Variants in NELL1 observed in about 807,000 individuals in gnomAD.
NELL1 encodes protein kinase C-binding protein NELL1.
A neutral mutation model predicts 107.4 loss-of-function variants in NELL1; 76 were observed. The observed-to-expected ratio is 0.71, with a 90% CI of 0.59 to 0.86. NELL1 has a LOEUF of 0.86. Ranked by LOEUF, NELL1 falls within the 40% of genes least tolerant of loss-of-function variation. The pLI is 0.00. For missense variants in NELL1, 1,024 were observed against 1,005.5 expected, an observed-to-expected ratio of 1.02 and a Z score of -0.25; for synonymous variants, 353 against 341.2, an observed-to-expected ratio of 1.03 and a Z score of -0.38.
chr11:21,435,459 A>G (rs1418805757), intron 15 of NELL1, among the ~76,000 whole-genome samples: 1 of 139,390 alleles, frequency 7.2e-6, no homozygotes, highest in African/African-American at 2.7e-5. Context: ...TTTTTTTACC[A>G]TGAAGAGATG....
intron 14 of NELL1, among the ~76,000 whole-genome samples, chr11:21,258,261 T>C (rs547643014): frequency 6.6e-6 from 1 of 151,982 alleles, no homozygotes; most frequent in East Asian, 1.9e-4. Context: ...AAGCTGTTTC[T>C]TGATAACATC....
chr11:21,131,635 G>A (rs186567635), intron 13 of NELL1, among the ~76,000 whole-genome samples: 1 of 151,958 alleles, frequency 6.6e-6, no homozygotes, highest in East Asian at 1.9e-4. Flanking sequence ...TTGTTTTTTT[G>A]TTTTGGGGGA....
chr11:20,743,525 A>C (rs564139112), intron 2 of NELL1, among the ~76,000 whole-genome samples: 4 of 152,084 alleles, frequency 2.6e-5, no homozygotes, highest in Non-Finnish European at 5.9e-5. Context: ...TTTTGTAATT[A>C]GTTGTATATC....
At chr11:21,439,372 T>C (rs1484599193) in intron 15 of NELL1, among the ~76,000 whole-genome samples, 1 of 152,086 alleles carries the variant, frequency 6.6e-6, no homozygotes, top group East Asian at 1.9e-4. Flanking sequence ...GGCCAAGAAC[T>C]GGGTGAGTTG....
intron 12 of NELL1, among the ~76,000 whole-genome samples, chr11:21,076,273 G>A (rs1389838751): frequency 6.6e-6 from 1 of 152,248 alleles, no homozygotes; most frequent in Non-Finnish European, 1.5e-5. Context: ...GGTGGATGGA[G>A]TCAGGGTTTC....
At chr11:20,699,086 G>A (rs143833195) in intron 2 of NELL1, among the ~76,000 whole-genome samples, 23 of 151,682 alleles carry the variant, frequency 1.5e-4, no homozygotes, top group East Asian at 1.9e-4. Context: ...GCATGGTGGC[G>A]CACATCTGTA....
intron 2 of NELL1, among the ~76,000 whole-genome samples, chr11:20,681,963 T>C (rs376814537): frequency 5.3e-5 from 8 of 152,218 alleles, no homozygotes; most frequent in Non-Finnish European, 1.0e-4. Flanking sequence ...TTATAAGAAA[T>C]CTTGTGATTA....
intron 12 of NELL1, among the ~76,000 whole-genome samples, chr11:21,026,753 C>T (rs1452776934): frequency 1.3e-5 from 2 of 152,078 alleles, no homozygotes; most frequent in African/African-American, 2.4e-5. Context: ...AAATATTCAC[C>T]GTGATCCTTT....
intron 12 of NELL1, among the ~76,000 whole-genome samples, chr11:21,062,973 G>A (rs548548204): frequency 3.3e-5 from 5 of 151,918 alleles, no homozygotes; most frequent in African/African-American, 7.2e-5. Context: ...GATTACAAAC[G>A]TATGCCACCA....
intron 2 of NELL1, among the ~76,000 whole-genome samples, chr11:20,714,238 T>C (rs985649845): frequency 3.6e-5 from 5 of 139,010 alleles, no homozygotes; most frequent in African/African-American, 1.3e-4. Flanking sequence ...AGTTTTGCTC[T>C]TGTCACCCAG....
chr11:20,935,048 C>T (rs531562657), intron 9 of NELL1, among the ~76,000 whole-genome samples: 2 of 152,122 alleles, frequency 1.3e-5, no homozygotes, highest in Admixed American at 1.3e-4. Context: ...TTTTTGCCAC[C>T]TACTAGAGGC....
At chr11:21,536,750 A>G (rs1856149565) in intron 16 of NELL1, among the ~76,000 whole-genome samples, 1 of 152,168 alleles carries the variant, frequency 6.6e-6, no homozygotes, top group Non-Finnish European at 1.5e-5. Flanking sequence ...ATTCCCAGCC[A>G]CATAACTGGT....
chr11:21,101,510 G>A (rs1357432578), intron 12 of NELL1, among the ~76,000 whole-genome samples: 1 of 152,076 alleles, frequency 6.6e-6, no homozygotes, highest in Non-Finnish European at 1.5e-5. Flanking sequence ...GTTGTTTCCT[G>A]ACTTTTTAAT....
intron 3 of NELL1, among the ~76,000 whole-genome samples, chr11:20,814,773 T>C (rs1359534135): frequency 6.6e-6 from 1 of 152,250 alleles, no homozygotes; most frequent in Non-Finnish European, 1.5e-5. Context: ...TGAGCTCATG[T>C]GTCTTTTTGT....
intron 13 of NELL1, among the ~76,000 whole-genome samples, chr11:21,130,297 T>G (rs1855585772): frequency 6.6e-6 from 1 of 152,154 alleles, no homozygotes; most frequent in Non-Finnish European, 1.5e-5. Context: ...TCACAGATTC[T>G]GGGTCATGGC....
chr11:20,976,952 A>ATTT (rs59290283), intron 12 of NELL1, among the ~76,000 whole-genome samples: 1 of 147,030 alleles, frequency 6.8e-6, no homozygotes, highest in African/African-American at 2.5e-5. Flanking sequence ...CTGTGTGCAA[A>ATTT]TTTTTTTTTT....
At chr11:20,959,775 G>A (rs1441961014) in intron 11 of NELL1, among the ~76,000 whole-genome samples, 3 of 152,120 alleles carry the variant, frequency 2.0e-5, no homozygotes, top group African/African-American at 7.2e-5. Context: ...AAGAACTTAT[G>A]TAACAAGACA....
Position 21,364,263 on chromosome 11 carries a change from T to A in NELL1, c.1550-6590T>A, listed in dbSNP as rs534053146. 1.3e-3 allele frequency among the ~76,000 whole-genome samples: 198 copies of A among 151,418 alleles called. 3 individuals are homozygous for A. Among genetic ancestry groups the A allele is most frequent in the Middle Eastern group, 3.4e-3 (1 of 292 alleles). ...ATCTCTACTAAAAATACAAAAAAAT[T>A]AGCTGGGCGTGGTGGCGGGTGCCTA... On this transcript the variant is annotated intron_variant, in intron 14 of 19. Transcript: ENST00000357134.
intron 14 of NELL1, among the ~76,000 whole-genome samples, chr11:21,251,176 G>A (rs1183842887): frequency 1.3e-5 from 2 of 152,092 alleles, no homozygotes; most frequent in African/African-American, 2.4e-5. Context: ...ACTTAGATCT[G>A]TTTAATTACT....
Sources: allele counts gnomAD v4.1 joint callset (sites outside exome capture counted in the v4.1 genomes callset), GRCh38; gene constraint gnomAD v4.1.1; transcripts MANE v1.5; gene names NCBI Gene and HGNC (gene_info 2026-07-23, HGNC 2026-07-21).